Variants in ARAP2 observed in about 807,000 individuals in gnomAD.
The protein encoded by ARAP2 is arf-GAP with Rho-GAP domain, ANK repeat and PH domain-containing protein 2.
In ARAP2, 148 loss-of-function variants were observed where a neutral mutation model predicts 194.5. The ratio of observed to expected loss-of-function variants is 0.76; its 90% CI spans 0.67 to 0.87. The LOEUF is 0.87. Ranked by LOEUF, ARAP2 falls within the 40% of genes least tolerant of loss-of-function variation. ARAP2 has a pLI of 0.00. For synonymous variants in ARAP2, 695 were observed against 683.5 expected, an observed-to-expected ratio of 1.02 and a Z score of -0.26; for missense variants, 2,128 against 1,989.7, an observed-to-expected ratio of 1.07 and a Z score of -1.32.
At chr4:36,014,305 GGA>G (rs1715271579) in intron 8 of ARAP2, among the ~76,000 whole-genome samples, 1 of 93,084 alleles carries the variant, frequency 1.1e-5, no homozygotes, top group African/African-American at 5.6e-5. Context: ...AAGAAGAGAA[GGA>G]AGGAAAGAAA....
At chr4:36,212,535 G>C in intron 4 of ARAP2, 48 bp from the exon 5 acceptor site, 1 of 1,394,884 alleles carries the variant, frequency 7.2e-7, no homozygotes. Context: ...TTTGCTTTTT[G>C]GTTTGGGGAT....
At chr4:36,104,732 T>A (rs1560438548) in intron 27 of ARAP2, among the ~76,000 whole-genome samples, 1 of 151,980 alleles carries the variant, frequency 6.6e-6, no homozygotes, top group Non-Finnish European at 1.5e-5. Context: ...TGAATATAAA[T>A]CAAACTCTAA....
chr4:36,068,501 G>A (rs73225567), intron 32 of ARAP2, among the ~76,000 whole-genome samples: 11,123 of 152,230 alleles, frequency 0.073, 560 homozygotes, highest in Middle Eastern at 0.2. Flanking sequence ...GCCTCAATAC[G>A]ATTTTTTGAC....
chr4:36,213,431 T>G (rs548301409), intron 3 of ARAP2, 112 bp from the exon 4 acceptor site: 90 of 751,056 alleles, frequency 1.2e-4, no homozygotes, highest in African/African-American at 4.3e-4. Context: ...AACGTAAGCT[T>G]TATTCTGTAA....
chr4:36,160,104 T>C, intron 13 of ARAP2: 5 of 994,444 alleles, frequency 5.0e-6, no homozygotes, highest in Non-Finnish European at 6.0e-6. Flanking sequence ...ATCCTTTTTT[T>C]TTCTTTTGCC....
intron 16 of ARAP2, among the ~76,000 whole-genome samples, chr4:36,150,628 G>A (rs1050849731): frequency 2.0e-4 from 31 of 151,286 alleles, no homozygotes; most frequent in African/African-American, 5.1e-4. Context: ...GTGATAGAGC[G>A]AGACTCCATC....
chr4:36,222,579 G>A (rs1267553858), intron 2 of ARAP2, among the ~76,000 whole-genome samples: 1 of 152,040 alleles, frequency 6.6e-6, no homozygotes, highest in Non-Finnish European at 1.5e-5. Context: ...TATCGCATCT[G>A]TAGTAAAAGT....
chr4:36,137,631 T>C (rs61798156), intron 19 of ARAP2, among the ~76,000 whole-genome samples: 45,681 of 151,550 alleles, frequency 0.3, 8,142 homozygotes, highest in East Asian at 0.47. Context: ...GAACTGGAAA[T>C]ATCTCTGCCA....
In ARAP2 at chr4:36,225,427, T is replaced by C. The variant is rs970361897; in HGVS notation, c.905+3155A>G. 2.6e-5 allele frequency among the ~76,000 whole-genome samples: 4 copies of C among 152,136 alleles called. No homozygotes were observed. The South Asian group carries it at 8.3e-4, about 32-fold the overall frequency. On this transcript the variant is annotated intron_variant, in intron 2 of 32. Coordinates refer to ENST00000303965, the MANE Select transcript of ARAP2 (RefSeq NM_015230.4). Reference sequence around the variant, plus strand: ...ACACCTACAACTCCCATGGGCAATGTGGCATCTGCTTTCTGCTTGGAGGGC... The same window carrying C: ...ACACCTACAACTCCCATGGGCAATGCGGCATCTGCTTTCTGCTTGGAGGGC...
At position 36,066,653 on chromosome 4, in the gene ARAP2, C is replaced by G. The variant is rs1480080687; in HGVS notation, c.*1254G>C. ...TTTTAAAGAAACTGATGGAAAAATG[C>G]TTCCCCTAACATGAACTATGGTTAG... On this transcript the variant is annotated 3_prime_UTR_variant, in exon 33 of 33. Coordinates refer to ENST00000303965, the MANE Select transcript of ARAP2 (RefSeq NM_015230.4). 6.6e-6 allele frequency: 1 copy of G among 152,046 alleles called. No homozygotes were observed. Among genetic ancestry groups the G allele is most frequent in the African/African-American group, 2.4e-5 (1 of 41,420 alleles). The allele number at this position is 152,046 out of a possible 1,614,324, so 9.4% of individuals were successfully genotyped here.
chr4:36,053,781 T>G (rs535503412), intron 2 of ARAP2, among the ~76,000 whole-genome samples: 2 of 152,342 alleles, frequency 1.3e-5, no homozygotes, highest in East Asian at 1.9e-4. Flanking sequence ...TAACTTCTAA[T>G]CAAATCCCAG....
intron 28 of ARAP2, among the ~76,000 whole-genome samples, chr4:36,091,013 T>C (rs1713476488): frequency 6.6e-6 from 1 of 152,142 alleles, no homozygotes; most frequent in African/African-American, 2.4e-5. Flanking sequence ...ACTTTTTTTA[T>C]CCTAATGCTT....
At chr4:36,211,585 T>C (rs1036635221) in intron 5 of ARAP2, among the ~76,000 whole-genome samples, 1 of 152,184 alleles carries the variant, frequency 6.6e-6, no homozygotes, top group African/African-American at 2.4e-5. Flanking sequence ...TATTAGATTA[T>C]GTCAAATGTT....
intron 1 of ARAP2, among the ~76,000 whole-genome samples, chr4:36,241,408 T>C (rs976829918): frequency 2.6e-5 from 4 of 152,180 alleles, no homozygotes; most frequent in Non-Finnish European, 5.9e-5. Flanking sequence ...TTTTTTAACA[T>C]GTATTCATTC....
intron 1 of ARAP2, among the ~76,000 whole-genome samples, chr4:36,241,391 T>A (rs944702644): frequency 4.6e-5 from 7 of 152,208 alleles, no homozygotes. Flanking sequence ...CCTACCTTAC[T>A]GGACCATTTT....
intron 2 of ARAP2, among the ~76,000 whole-genome samples, chr4:36,054,096 C>A (rs546925906): frequency 4.5e-4 from 69 of 152,276 alleles, no homozygotes; most frequent in African/African-American, 1.7e-3. Context: ...GCCTTTCACA[C>A]CGTGAATGCT....
At chr4:36,036,656 C>T (rs939073447) in intron 5 of ARAP2, among the ~76,000 whole-genome samples, 4 of 151,864 alleles carry the variant, frequency 2.6e-5, no homozygotes, top group Non-Finnish European at 4.4e-5. Context: ...TTTTTAAATA[C>T]GTAAAATTAT....
Position 36,119,642 on chromosome 4 carries a change from C to T in ARAP2, c.3963+8G>A. On this transcript the variant is annotated splice_region_variant and intron_variant, in intron 24 of 32. Transcript: ENST00000303965. ...TAATTATTTAGAGATCTAACTATTACTACTCACTTGGGTGTCTTTCCACTT... is the reference window on the plus strand; with the variant it reads ...TAATTATTTAGAGATCTAACTATTATTACTCACTTGGGTGTCTTTCCACTT... 1 of 1,574,908 alleles carries T rather than the reference C, an allele frequency of 6.3e-7. No individual in the cohort carries two copies. The highest frequency in any genetic ancestry group is 8.7e-7 in the Non-Finnish European group (1 of 1,147,292).
At chr4:36,007,094 A>G (rs938090862) in intron 9 of ARAP2, 1 of 152,138 alleles carries the variant, frequency 6.6e-6, no homozygotes, top group Non-Finnish European at 1.5e-5. Context: ...TAAAATTAGC[A>G]CTATAGCTGT....
Sources: allele counts gnomAD v4.1 joint callset (sites outside exome capture counted in the v4.1 genomes callset), GRCh38; gene constraint gnomAD v4.1.1; transcripts MANE v1.5; gene names NCBI Gene and HGNC (gene_info 2026-07-23, HGNC 2026-07-21).